LARGE1: variants seen among roughly 807,000 people sequenced by gnomAD.
The protein encoded by LARGE1 is xylosyl- and glucuronyltransferase LARGE1.
Under a neutral mutation model 87.6 loss-of-function variants are expected in LARGE1, and 43 were observed. The observed-to-expected ratio is 0.49, with a 90% CI of 0.38 to 0.63. The LOEUF is 0.63. Ranked by LOEUF, LARGE1 falls within the 30% of genes least tolerant of loss-of-function variation. The pLI is 0.00. For missense variants in LARGE1, 802 were observed against 1,000.2 expected, an observed-to-expected ratio of 0.80 and a Z score of 2.67; for synonymous variants, 434 against 394.6, an observed-to-expected ratio of 1.10 and a Z score of -1.18.
chr22:33,916,224 T>C lies in LARGE1; in HGVS notation c.-83+3771A>G, dbSNP rs374376651. On this transcript the variant is annotated intron_variant, in intron 1 of 14. Transcript: ENST00000397394. ...TGAACCCGGGAGGCGGAGGTTGCAG[T>C]GAGCTAAGATCATGCCACTGCACTC... Among the ~76,000 whole-genome samples the C allele has an allele frequency of 6.3e-4, 95 of 151,984 alleles. 3 individuals carry two copies. The South Asian group carries it at 7.5e-3, about 12-fold the overall frequency.
intron 3 of LARGE1, among the ~76,000 whole-genome samples, chr22:33,627,351 T>A (rs2079953825): frequency 6.6e-6 from 1 of 152,156 alleles, no homozygotes; most frequent in Non-Finnish European, 1.5e-5. Context: ...AGTTCATACT[T>A]CCGGATTTTG....
intron 6 of LARGE1, among the ~76,000 whole-genome samples, chr22:33,554,614 C>G (rs904911012): frequency 6.6e-6 from 1 of 152,172 alleles, no homozygotes; most frequent in Admixed American, 6.5e-5. Context: ...CCGCTACGGG[C>G]CACAGTGGTC....
intron 6 of LARGE1, among the ~76,000 whole-genome samples, chr22:33,505,291 G>T (rs1439841476): frequency 2.0e-5 from 3 of 152,220 alleles, no homozygotes; most frequent in Admixed American, 2.0e-4. Flanking sequence ...CAGAGGCTGG[G>T]TGAAGCTGAG....
chr22:33,687,978 A>G (rs942752382), intron 2 of LARGE1, among the ~76,000 whole-genome samples: 1 of 152,192 alleles, frequency 6.6e-6, no homozygotes. Context: ...CCTCACATGG[A>G]AGGTATTCCT....
At chr22:33,166,167 C>G (rs1252760649) in exon 12 of LARGE1, 1 of 152,192 alleles carries the variant, frequency 6.6e-6, no homozygotes, top group African/African-American at 2.4e-5. Flanking sequence ...TTTCTGTTTA[C>G]GTTGGTGTTT....
downstream of LARGE1, among the ~76,000 whole-genome samples, chr22:33,268,065 C>T (rs1025686198): frequency 1.3e-5 from 2 of 151,148 alleles, no homozygotes; most frequent in Non-Finnish European, 2.9e-5. Flanking sequence ...AGGCGATTCT[C>T]CTCTCAGCCT....
chr22:33,631,964 G>A (rs1262435966), intron 3 of LARGE1, among the ~76,000 whole-genome samples: 2 of 152,178 alleles, frequency 1.3e-5, no homozygotes, highest in Non-Finnish European at 2.9e-5. Context: ...GCAGTCCACT[G>A]TTGACAGATA....
intron 6 of LARGE1, among the ~76,000 whole-genome samples, chr22:33,434,712 C>T (rs2067202750): frequency 6.6e-6 from 1 of 152,106 alleles, no homozygotes; most frequent in Non-Finnish European, 1.5e-5. Context: ...TTTTATTTTG[C>T]CTGTTTACTT....
chr22:33,453,221 C>A (rs1168309260), intron 6 of LARGE1, among the ~76,000 whole-genome samples: 1 of 152,084 alleles, frequency 6.6e-6, no homozygotes, highest in Non-Finnish European at 1.5e-5. Flanking sequence ...TCGAGACCAG[C>A]CTGGCCAATA....
chr22:33,742,087 A>C (rs906657609), intron 2 of LARGE1, among the ~76,000 whole-genome samples: 4 of 152,194 alleles, frequency 2.6e-5, no homozygotes, highest in African/African-American at 9.7e-5. Context: ...TTACAGGCTG[A>C]GACAATACAG....
chr22:33,305,838 C>CTTTTTTTTTTTT (rs200366425), intron 11 of LARGE1, among the ~76,000 whole-genome samples: 2 of 126,488 alleles, frequency 1.6e-5, no homozygotes, highest in African/African-American at 3.2e-5. Flanking sequence ...ATTTCTTTTT[C>CTTTTTTTTTTTT]TTTTTCTTTT....
chr22:33,377,760 T>C (rs77927571), intron 9 of LARGE1, among the ~76,000 whole-genome samples: 13,884 of 152,204 alleles, frequency 0.091, 1,020 homozygotes, highest in African/African-American at 0.21. Flanking sequence ...CTATCTCTTT[T>C]CATTCTGTGT....
At chr22:33,647,719 T>C (rs972188669) in intron 3 of LARGE1, among the ~76,000 whole-genome samples, 10 of 152,210 alleles carry the variant, frequency 6.6e-5, no homozygotes, top group Non-Finnish European at 1.5e-4. Flanking sequence ...CAAGTTCCAA[T>C]ATCCATTGTC....
chr22:33,747,131 G>C (rs912849209), intron 2 of LARGE1, among the ~76,000 whole-genome samples: 1 of 152,154 alleles, frequency 6.6e-6, no homozygotes, highest in Non-Finnish European at 1.5e-5. Context: ...GGCAAGAAGA[G>C]GAAATACTCT....
intron 6 of LARGE1, among the ~76,000 whole-genome samples, chr22:33,500,760 A>G (rs559560734): frequency 6.6e-6 from 1 of 152,352 alleles, no homozygotes; most frequent in South Asian, 2.1e-4. Flanking sequence ...GAAGCCATTA[A>G]TCTAATGAGT....
At chr22:33,617,836 T>C (rs545303812) in intron 4 of LARGE1, among the ~76,000 whole-genome samples, 1 of 152,320 alleles carries the variant, frequency 6.6e-6, no homozygotes, top group South Asian at 2.1e-4. Context: ...TTCTGCTCCC[T>C]CTGGTTTCCT....
At chr22:33,326,706 G>A (rs2267190) in intron 10 of LARGE1, among the ~76,000 whole-genome samples, 64,778 of 151,902 alleles carry the variant, frequency 0.43, 14,602 homozygotes, top group African/African-American at 0.59. Flanking sequence ...GAGATATGGT[G>A]GAAAGGAGAG....
chr22:33,868,289 C>T lies in LARGE1; in HGVS notation c.-83+51706G>A, dbSNP rs117491393. The stretch of plus-strand genomic sequence containing the variant: ...GTCGGAAGCAGAAACACCTGAGAAA[C>T]GCCAGGTTTGGAATGCTAGTTCTAT... On this transcript the variant is annotated intron_variant, in intron 1 of 14. Transcript: ENST00000397394. Among the ~76,000 whole-genome samples the T allele has an allele frequency of 2.2e-4, 34 of 152,234 alleles. No homozygotes were observed. In the East Asian group the frequency reaches 4.4e-3, roughly 20 times the overall value.
upstream of LARGE1, among the ~76,000 whole-genome samples, chr22:33,921,979 G>A (rs1269477770): frequency 1.3e-5 from 2 of 152,020 alleles, no homozygotes; most frequent in Non-Finnish European, 2.9e-5. The surrounding 1 kb of genome is among the most constrained non-coding windows in gnomAD (Gnocchi z 4.1). Flanking sequence ...ACTCGGACTC[G>A]GAGACCGGAG....
Sources: gnomAD v4.1 joint callset for allele counts (sites outside exome capture counted in the v4.1 genomes callset) on GRCh38, gnomAD v4.1.1 for gene constraint, Gnocchi (gnomAD v3.1) non-coding constraint, MANE v1.5 for transcripts, NCBI Gene and HGNC (gene_info 2026-07-23, HGNC 2026-07-21) for gene names.